LIMCH1: variants seen among roughly 807,000 people sequenced by gnomAD.
LIMCH1 encodes the protein LIM and calponin homology domains 1, also known as LIM and calponin homology domains-containing protein 1.
A neutral mutation model predicts 176.5 loss-of-function variants in LIMCH1; 113 were observed. That is an observed-to-expected ratio of 0.64 (90% confidence interval 0.55 to 0.75). LIMCH1 has a LOEUF of 0.75. Ranked by LOEUF, LIMCH1 falls within the 30% of genes least tolerant of loss-of-function variation. LIMCH1 has a pLI of 0.00. For synonymous variants in LIMCH1, 619 were observed against 645.9 expected (o/e 0.96, Z 0.63); for missense variants, 1,674 against 1,814.9 (o/e 0.92, Z 1.41).
intron 1 of LIMCH1, among the ~76,000 whole-genome samples, chr4:41,581,108 G>GTCTATCTATCTATCTATCTATCTA (rs1329265925): frequency 1.2e-4 from 15 of 128,814 alleles, no homozygotes; most frequent in African/African-American, 5.3e-4. Flanking sequence ...TCATCTGTCT[G>GTCTATCTATCTATCTATCTATCTA]TCTGTCTATC....
At chr4:41,412,237 C>A (rs543343326) in intron 1 of LIMCH1, among the ~76,000 whole-genome samples, 1 of 152,266 alleles carries the variant, frequency 6.6e-6, no homozygotes, top group Admixed American at 6.5e-5. Flanking sequence ...TGGTCTTCCT[C>A]ATGCCTCTTG....
intron 1 of LIMCH1, among the ~76,000 whole-genome samples, chr4:41,463,155 G>T (rs2065621322): frequency 7.4e-6 from 1 of 134,592 alleles, no homozygotes; most frequent in Admixed American, 7.2e-5. Context: ...TAGAGAATAA[G>T]TTGAGAAAAA....
At position 41,633,309 on chromosome 4, in the gene LIMCH1, A is replaced by G. The variant is rs1191385927; in HGVS notation, c.1829+224A>G. On this transcript the variant is annotated intron_variant, in intron 12 of 31. Transcript: ENST00000503057. Reference sequence around the variant, plus strand: ...TTTGCATGTGGCTGAGTACTGGCCAAATTTCATTCTCAGGACTCATGAAAA... The same window carrying G: ...TTTGCATGTGGCTGAGTACTGGCCAGATTTCATTCTCAGGACTCATGAAAA... 2.0e-5 allele frequency among the ~76,000 whole-genome samples: 3 copies of G among 152,262 alleles called. No individual in the cohort carries two copies. The East Asian group carries it at 5.8e-4, about 29-fold the overall frequency.
At chr4:41,461,306 C>G (rs1390334157) in intron 1 of LIMCH1, among the ~76,000 whole-genome samples, 1 of 152,200 alleles carries the variant, frequency 6.6e-6, no homozygotes, top group East Asian at 1.9e-4. Context: ...CCATGCTTCT[C>G]TCACTCGAGT....
chr4:41,535,529 A>G (rs1260300771), upstream of LIMCH1, among the ~76,000 whole-genome samples: 3 of 152,040 alleles, frequency 2.0e-5, no homozygotes, highest in African/African-American at 7.3e-5. Flanking sequence ...GCCTTTTTAT[A>G]AGGACACTGT....
chr4:41,361,443 C>T (rs1284497919), intron 1 of LIMCH1, among the ~76,000 whole-genome samples: 1 of 152,232 alleles, frequency 6.6e-6, no homozygotes, highest in Non-Finnish European at 1.5e-5. Flanking sequence ...CCCACCGGAG[C>T]CTCTTGCTGT....
chr4:41,436,862 G>A (rs959740638), intron 1 of LIMCH1, among the ~76,000 whole-genome samples: 2 of 152,140 alleles, frequency 1.3e-5, no homozygotes, highest in African/African-American at 2.4e-5. Flanking sequence ...CATGGTTTTT[G>A]TCTGGTCTTT....
Position 41,419,588 on chromosome 4 carries a change from T to TTCC in LIMCH1, c.96+58654_96+58656dup, listed in dbSNP as rs1335319659. On this transcript the variant is annotated intron_variant, in intron 1 of 26. Transcript: ENST00000313860. ...CTTCCTTCCTTCCTTCCTTCCTTCC[T>TTCC]TCCTTCCTTCCTTCCGTCCTTCCTT... Among the ~76,000 whole-genome samples, 115 of 86,776 alleles carry TTCC rather than the reference T, an allele frequency of 1.3e-3. 10 individuals are homozygous for TTCC. Among genetic ancestry groups the TTCC allele is most frequent in the African/African-American group, 9.3e-3 (106 of 11,448 alleles). 56.9% of individuals were successfully genotyped at this position (86,776 alleles called of 152,430 possible).
rs1015301761 is a variant in LIMCH1 at position 41,601,508 on chromosome 4, C to G, written c.-133-2367C>G. Among the ~76,000 whole-genome samples the G allele has an allele frequency of 2.0e-5, 3 of 152,012 alleles. No homozygotes were observed. The South Asian group carries it at 6.2e-4, about 32-fold the overall frequency. On this transcript the variant is annotated intron_variant, in intron 2 of 31. Transcript: ENST00000503057. ...AAGTCAGGGGAAGAGGAACCACAAG[C>G]TTCATGTTTAAAAGAAAGAAAAGTA...
chr4:41,631,208 T>G lies in LIMCH1; in HGVS notation c.1332T>G (p.Thr444=), dbSNP rs576878360. The G allele has an allele frequency of 1.6e-5, 24 of 1,536,078 alleles. No homozygotes were observed. Among genetic ancestry groups the G allele is most frequent in the Non-Finnish European group, 2.1e-5 (24 of 1,146,898 alleles). Reference sequence around the variant, plus strand: ...CTTCCCCAGAAATTAAAGCAGAAACTGCCATTCGTGATGACTTTGCCAACC... The same window carrying G: ...CTTCCCCAGAAATTAAAGCAGAAACGGCCATTCGTGATGACTTTGCCAACC... The part of the protein sequence containing the change: ...SEPSPEIKAE[T]AIRDDFANRK... The change falls in exon 10 of 32, where the codon ACT becomes ACG. Residue 444 remains threonine (T), a synonymous_variant. Coordinates refer to ENST00000503057, the MANE Select transcript of LIMCH1 (RefSeq NM_001330672.2).
intron 2 of LIMCH1, among the ~76,000 whole-genome samples, chr4:41,504,453 A>T (rs2073874776): frequency 6.6e-6 from 1 of 152,176 alleles, no homozygotes; most frequent in African/African-American, 2.4e-5. Context: ...TCCTTTTTGC[A>T]TCTGAGCAGT....
chr4:41,598,312 TTTC>T (rs1319424652), intron 1 of LIMCH1, among the ~76,000 whole-genome samples: 3 of 152,214 alleles, frequency 2.0e-5, no homozygotes, highest in Non-Finnish European at 4.4e-5. Flanking sequence ...AAAATTTCAC[TTTC>T]TTGACAGTCT....
At chr4:41,642,878 C>A (rs1173691198) in intron 14 of LIMCH1, among the ~76,000 whole-genome samples, 1 of 151,976 alleles carries the variant, frequency 6.6e-6, no homozygotes, top group Admixed American at 6.6e-5. Context: ...CACACCTGGC[C>A]CAGCTTATTT....
intron 1 of LIMCH1, among the ~76,000 whole-genome samples, chr4:41,438,775 T>C (rs2062382884): frequency 6.6e-6 from 1 of 152,198 alleles, no homozygotes; most frequent in Admixed American, 6.5e-5. Flanking sequence ...GCATGCTGCT[T>C]GCATCACATG....
At chr4:41,597,734 A>G (rs1222070448) in intron 1 of LIMCH1, among the ~76,000 whole-genome samples, 5 of 152,180 alleles carry the variant, frequency 3.3e-5, no homozygotes, top group African/African-American at 1.2e-4. Context: ...GTCAGGCCCA[A>G]TCAGATAATC....
At chr4:41,362,394 T>A (rs1271681777) in intron 1 of LIMCH1, among the ~76,000 whole-genome samples, 1 of 152,214 alleles carries the variant, frequency 6.6e-6, no homozygotes, top group Non-Finnish European at 1.5e-5. Flanking sequence ...GTGCTCTGCC[T>A]GTGTTGCGTA....
chr4:41,382,018 C>T (rs2055749829), intron 1 of LIMCH1, among the ~76,000 whole-genome samples: 1 of 152,200 alleles, frequency 6.6e-6, no homozygotes, highest in African/African-American at 2.4e-5. Flanking sequence ...GCAAAACATC[C>T]TCTGATTGAG....
chr4:41,631,039 C>T, intron 9 of LIMCH1, 109 bp from the exon 10 acceptor site: 1 of 942,856 alleles, frequency 1.1e-6, no homozygotes, highest in Non-Finnish European at 1.5e-6. Flanking sequence ...GCCGAACTCA[C>T]TGATAGGGAG....
intron 2 of LIMCH1, among the ~76,000 whole-genome samples, chr4:41,514,005 TAAAAAAAAAAAAAAAAAAAAAAAA>T (rs71198665): frequency 7.8e-4 from 38 of 48,528 alleles, no homozygotes; most frequent in South Asian, 6.0e-3. Context: ...GACTCCGTCT[TAAAAAAAAAAAAAAAAAAAAAAAA>T]AAAAAAAAAA....
Sources: gnomAD v4.1 joint callset for allele counts (sites outside exome capture counted in the v4.1 genomes callset) on GRCh38, gnomAD v4.1.1 for gene constraint, MANE v1.5 for transcripts, NCBI Gene and HGNC (gene_info 2026-07-23, HGNC 2026-07-21) for gene names.